The following HDAC9 variants were observed in gnomAD, a reference collection of about 807,000 sequenced individuals.
The protein encoded by HDAC9 is MEF-2 interacting transcription repressor (MITR) protein.
HDAC9 carries 41 observed loss-of-function variants against 139.4 expected under a neutral mutation model. The ratio of observed to expected loss-of-function variants is 0.29; its 90% confidence interval spans 0.23 to 0.38. The LOEUF is 0.38. Ranked by LOEUF, HDAC9 falls within the 10% of genes least tolerant of loss-of-function variation. The pLI is 1.00. For synonymous variants in HDAC9, 517 were observed against 476.2 expected, an observed-to-expected ratio of 1.09 and a Z score of -1.12; for missense variants, 1,147 against 1,297.0, an observed-to-expected ratio of 0.88 and a Z score of 1.78.
chr7:18,692,348 A>C (rs1782730745), intron 12 of HDAC9, among the ~76,000 whole-genome samples: 1 of 152,088 alleles, frequency 6.6e-6, no homozygotes, highest in Non-Finnish European at 1.5e-5. Context: ...CCTGCAGCAC[A>C]GCAACTTATT....
intron 8 of HDAC9, among the ~76,000 whole-genome samples, chr7:18,640,194 T>G (rs1206261827): frequency 6.6e-6 from 1 of 150,594 alleles, no homozygotes; most frequent in Non-Finnish European, 1.5e-5. Context: ...GGCCTGGAGT[T>G]TAAGACGAGC....
chr7:18,664,216 C>T (rs1326021814), intron 11 of HDAC9, among the ~76,000 whole-genome samples: 1 of 152,128 alleles, frequency 6.6e-6, no homozygotes, highest in African/African-American at 2.4e-5. Context: ...CTAAAATATA[C>T]TTAAAGTCAT....
At chr7:18,686,488 T>G (rs1276001270) in intron 12 of HDAC9, among the ~76,000 whole-genome samples, 2 of 151,982 alleles carry the variant, frequency 1.3e-5, no homozygotes, top group African/African-American at 2.4e-5. Flanking sequence ...TGGTCATGGC[T>G]TGGAAGACTA....
intron 1 of HDAC9, among the ~76,000 whole-genome samples, chr7:18,423,366 T>G (rs908488964): frequency 7.2e-5 from 11 of 152,218 alleles, no homozygotes; most frequent in African/African-American, 2.7e-4. Flanking sequence ...TTTATTTCTT[T>G]GACAATATTA....
chr7:18,723,522 G>A (rs73069068), intron 12 of HDAC9, among the ~76,000 whole-genome samples: 5,307 of 152,224 alleles, frequency 0.035, 136 homozygotes, highest in Admixed American at 0.05. Flanking sequence ...ATTAATATTA[G>A]ACAAGTAGTT....
intron 2 of HDAC9, among the ~76,000 whole-genome samples, chr7:18,250,351 A>G (rs1794840533): frequency 6.6e-6 from 1 of 152,226 alleles, no homozygotes; most frequent in Non-Finnish European, 1.5e-5. Context: ...TCTTTCCAGT[A>G]CAGTATGAAT....
chr7:18,627,560 C>T (rs1234498582), intron 6 of HDAC9, among the ~76,000 whole-genome samples: 1 of 152,172 alleles, frequency 6.6e-6, no homozygotes, highest in Non-Finnish European at 1.5e-5. Context: ...CAGTATCTCA[C>T]TTTATTCCTG....
intron 16 of HDAC9, among the ~76,000 whole-genome samples, chr7:18,781,409 G>A (rs1791238209): frequency 6.6e-6 from 1 of 151,938 alleles, no homozygotes; most frequent in Non-Finnish European, 1.5e-5. Context: ...TTCTGTAAAG[G>A]TGACTAATAA....
intron 17 of HDAC9, among the ~76,000 whole-genome samples, chr7:18,813,926 G>A (rs967200653): frequency 6.6e-6 from 1 of 152,144 alleles, no homozygotes; most frequent in Non-Finnish European, 1.5e-5. Flanking sequence ...TTTCCTTCTA[G>A]GATGTTAGTC....
chr7:18,434,625 C>T (rs1472548611), intron 1 of HDAC9, among the ~76,000 whole-genome samples: 4 of 152,180 alleles, frequency 2.6e-5, no homozygotes, highest in Admixed American at 6.5e-5. Context: ...CCATGACCAA[C>T]AAGCATATGA....
At chr7:18,749,161 C>A in intron 14 of HDAC9, 23 bp downstream of exon 14, 1 of 1,610,206 alleles carries the variant, frequency 6.2e-7, no homozygotes, top group Non-Finnish European at 8.5e-7. Context: ...TGGACACACT[C>A]TTTTACTTAC....
At chr7:18,967,474 C>G (rs1158112680) in intron 24 of HDAC9, among the ~76,000 whole-genome samples, 2 of 121,814 alleles carry the variant, frequency 1.6e-5, no homozygotes, top group Non-Finnish European at 3.4e-5. Flanking sequence ...GGAATCAAAG[C>G]AAAATTTTTG....
At chr7:18,160,193 G>A (rs1395051890) in intron 1 of HDAC9, among the ~76,000 whole-genome samples, 1 of 152,216 alleles carries the variant, frequency 6.6e-6, no homozygotes. Flanking sequence ...CTATGCCCTT[G>A]ATGGAAGTTA....
chr7:18,630,645 A>G (rs1388384021), intron 7 of HDAC9, among the ~76,000 whole-genome samples: 4 of 152,126 alleles, frequency 2.6e-5, no homozygotes, highest in Non-Finnish European at 5.9e-5. Flanking sequence ...TTAAATCTGA[A>G]TAATAAATAC....
chr7:18,788,950 A>G (rs77046821), intron 16 of HDAC9, among the ~76,000 whole-genome samples: 11 of 151,964 alleles, frequency 7.2e-5, no homozygotes, highest in African/African-American at 2.4e-4. Flanking sequence ...TTTTCCTTCC[A>G]CTCAATGTAT....
At position 18,504,245 on chromosome 7, in the gene HDAC9, T is replaced by C. The variant is rs1419120756; in HGVS notation, c.22+7921T>C. 2.6e-5 allele frequency among the ~76,000 whole-genome samples: 4 copies of C among 152,298 alleles called. No individual in the cohort carries two copies. The East Asian group carries it at 7.7e-4, about 29-fold the overall frequency. On this transcript the variant is annotated intron_variant, in intron 2 of 25. Coordinates refer to ENST00000686413, the MANE Select transcript of HDAC9 (RefSeq NM_178425.4). Reference sequence around the variant, plus strand: ...AGAAAGTTATCACCACCCGTTTTTGTTTTTTTCTGTCATACTCCTCTCTGA... The same window carrying C: ...AGAAAGTTATCACCACCCGTTTTTGCTTTTTTCTGTCATACTCCTCTCTGA...
intron 11 of HDAC9, among the ~76,000 whole-genome samples, chr7:18,650,435 A>G (rs17139516): frequency 0.017 from 2,606 of 152,278 alleles, 59 homozygotes; most frequent in African/African-American, 0.059. Flanking sequence ...GTGATCCACA[A>G]ATGGTTTCTA....
intron 6 of HDAC9, among the ~76,000 whole-genome samples, chr7:18,614,198 C>A (rs1349958693): frequency 6.6e-6 from 1 of 152,118 alleles, no homozygotes; most frequent in African/African-American, 2.4e-5. Context: ...AACTCCACAT[C>A]TCTAAACTTC....
intron 1 of HDAC9, among the ~76,000 whole-genome samples, chr7:18,356,357 G>GGT: frequency 3.7e-5 from 1 of 27,326 alleles, no homozygotes; most frequent in Non-Finnish European, 7.5e-5. Context: ...GCAGCACATA[G>GGT]GTTTTTTTTT....
Sources: allele counts gnomAD v4.1 joint callset (sites outside exome capture counted in the v4.1 genomes callset), GRCh38; gene constraint gnomAD v4.1.1; transcripts MANE v1.5; gene names NCBI Gene and HGNC (gene_info 2026-07-23, HGNC 2026-07-21).